Variants in RICTOR observed in about 807,000 individuals in gnomAD.
RICTOR encodes the protein rapamycin-insensitive companion of mTOR.
In RICTOR, 49 loss-of-function variants were observed where a neutral mutation model predicts 214.9. The observed-to-expected ratio is 0.23, with a 90% CI of 0.18 to 0.29. The LOEUF (loss-of-function observed/expected upper bound fraction) is 0.29, where lower values mean the gene tolerates loss of function less well. Ranked by LOEUF, RICTOR falls within the 10% of genes least tolerant of loss-of-function variation. RICTOR has a pLI of 1.00. For missense variants in RICTOR, 1,625 were observed against 2,047.0 expected, an observed-to-expected ratio of 0.79 and a Z score of 3.98; for synonymous variants, 717 against 711.3, an observed-to-expected ratio of 1.01 and a Z score of -0.13.
chr5:38,944,686 T>C, intron 35 of RICTOR, 117 bp from the exon 36 acceptor site: 1 of 984,432 alleles, frequency 1.0e-6, no homozygotes, highest in Non-Finnish European at 1.5e-6. Context: ...ACACATGATC[T>C]ACCAATCATT....
chr5:38,959,145 A>G (rs1579916101), intron 22 of RICTOR, 50 bp downstream of exon 22: 1 of 1,343,296 alleles, frequency 7.4e-7, no homozygotes, highest in East Asian at 2.4e-5. Flanking sequence ...TTCATAAAGT[A>G]GTGAATTAAT....
chr5:38,942,978 T>G lies in RICTOR; in HGVS notation c.4914-7A>C. 1 of 1,590,272 alleles carries G rather than the reference T, an allele frequency of 6.3e-7. No individual in the cohort carries two copies. On this transcript the variant is annotated splice_region_variant and splice_polypyrimidine_tract_variant and intron_variant, in intron 36 of 37. Coordinates refer to ENST00000357387, the MANE Select transcript of RICTOR (RefSeq NM_152756.5). Reference sequence around the variant, plus strand: ...AGGATACTTCTCCTTAATTCTAAAATAAAAGATTATGGTGTGATGAAAACT... The same window carrying G: ...AGGATACTTCTCCTTAATTCTAAAAGAAAAGATTATGGTGTGATGAAAACT...
chr5:38,953,391 T>C (rs963405762), intron 28 of RICTOR, 70 bp downstream of exon 28: 3 of 643,144 alleles, frequency 4.7e-6, no homozygotes, highest in Admixed American at 2.8e-5. Context: ...TTTATCTATT[T>C]AGTATAAATG....
At chr5:38,947,208 C>T in intron 32 of RICTOR, 56 bp downstream of exon 32, 2 of 1,267,668 alleles carry the variant, frequency 1.6e-6, no homozygotes, top group Non-Finnish European at 2.3e-6. Context: ...GCAGTTACAG[C>T]ATATGAAAAA....
intron 2 of RICTOR, among the ~76,000 whole-genome samples, chr5:39,066,896 G>A (rs139226327): frequency 1.1e-3 from 172 of 152,192 alleles, no homozygotes; most frequent in African/African-American, 4.0e-3. Context: ...GGACTTCATT[G>A]TCCGTATCAC....
chr5:38,950,243 C>T lies in RICTOR; in HGVS notation c.3605G>A (p.Arg1202Lys). 1.2e-6 allele frequency: 2 copies of T among 1,613,546 alleles called. No individual in the cohort carries two copies. Among genetic ancestry groups the T allele is most frequent in the Non-Finnish European group, 1.7e-6 (2 of 1,179,666 alleles). ...GCTCGTTGAACTTTCTACTACTAAC[C>T]TCTCTCGGCTTGTATTTTCTCTGTG... ...ENHRENTSRE[R>K]LVVESSTSSH... Residue 1202 changes from arginine to lysine, a missense_variant, in exon 31 of 38, where the codon AGG (arginine) becomes AAG (lysine). This residue lies in a region of RICTOR where 1,214 missense variants were observed against 1,470.5 expected (regional missense o/e 0.83). Coordinates refer to ENST00000357387, the MANE Select transcript of RICTOR (RefSeq NM_152756.5).
At chr5:38,994,509 C>A (rs1753034156) in intron 6 of RICTOR, among the ~76,000 whole-genome samples, 1 of 147,020 alleles carries the variant, frequency 6.8e-6, no homozygotes, top group Admixed American at 6.9e-5. Context: ...CGATAGAGGC[C>A]ACTGTTCGTT....
chr5:38,944,264 T>C (rs1747928849), intron 36 of RICTOR, 182 bp downstream of exon 36: 1 of 675,622 alleles, frequency 1.5e-6, no homozygotes, highest in Admixed American at 2.0e-5. Flanking sequence ...CTACATTCAA[T>C]CTGTTGCCAT....
intron 6 of RICTOR, 34 bp from the exon 7 acceptor site, chr5:38,991,109 T>C (rs1439148911): frequency 2.2e-5 from 34 of 1,513,002 alleles, no homozygotes; most frequent in Non-Finnish European, 3.0e-5. Flanking sequence ...AGAAGTTACT[T>C]TAGTAATACA....
intron 2 of RICTOR, among the ~76,000 whole-genome samples, chr5:39,025,811 G>A (rs1254728286): frequency 4.6e-5 from 7 of 152,070 alleles, no homozygotes; most frequent in South Asian, 2.1e-4. Context: ...ATACCAATAC[G>A]TTACGGGTTA....
intron 2 of RICTOR, among the ~76,000 whole-genome samples, chr5:39,036,971 T>C (rs1174378916): frequency 1.3e-5 from 2 of 152,140 alleles, no homozygotes; most frequent in East Asian, 1.9e-4. Context: ...GCAGTCCTAA[T>C]AGACATCTAC....
Position 38,940,502 on chromosome 5 carries a change from A to G in RICTOR, c.*1802T>C, listed in dbSNP as rs1201835324. On this transcript the variant is annotated 3_prime_UTR_variant, in exon 38 of 38. Transcript: ENST00000357387. ...GACCACGATGACAGGCAACGTTCTT[A>G]GAAGTACTGTTGACATTTAAATAAA... The G allele has an allele frequency of 8.6e-6, 2 of 232,754 alleles. No individual in the cohort carries two copies. Among genetic ancestry groups the G allele is most frequent in the African/African-American group, 4.4e-5 (2 of 45,334 alleles). 14.4% of individuals were successfully genotyped at this position (232,754 alleles called of 1,614,324 possible). A position where few individuals can be genotyped will look rare whatever the true frequency, so the allele number is the denominator to read the frequency against.
intron 11 of RICTOR, among the ~76,000 whole-genome samples, chr5:38,968,906 G>A (rs1750465970): frequency 6.6e-6 from 1 of 151,230 alleles, no homozygotes; most frequent in South Asian, 2.1e-4. Context: ...GGAAGACAGT[G>A]ATACTGATGA....
At chr5:39,005,081 TCTCA>T (rs146598837) in intron 3 of RICTOR, among the ~76,000 whole-genome samples, 7,459 of 152,202 alleles carry the variant, frequency 0.049, 339 homozygotes, top group African/African-American at 0.12. Flanking sequence ...GCGCCCGGCC[TCTCA>T]CTCAGACTCT....
Position 38,938,825 on chromosome 5 carries a change from CA to C in RICTOR, c.*3478del, listed in dbSNP as rs1481413749. 4.3e-6 allele frequency: 1 copy of C among 232,912 alleles called. No homozygotes were observed. The highest frequency in any genetic ancestry group is 8.5e-6 in the Non-Finnish European group (1 of 117,688). The allele number at this position is 232,912 out of a possible 1,614,324, so 14.4% of individuals were successfully genotyped here. On this transcript the variant is annotated 3_prime_UTR_variant, in exon 38 of 38. Coordinates refer to ENST00000357387, the MANE Select transcript of RICTOR (RefSeq NM_152756.5). ...ACAGTGTATTTTGTTAATGCAGAGA[CA>C]ATGGAGACTTCCTAACTTACATTTT...
intron 2 of RICTOR, among the ~76,000 whole-genome samples, chr5:39,045,019 A>G (rs16868013): frequency 0.045 from 6,852 of 152,266 alleles, 288 homozygotes; most frequent in African/African-American, 0.1. Context: ...GAGAAAATGG[A>G]TAAGACCTGC....
At chr5:38,991,160 C>G in intron 6 of RICTOR, 85 bp from the exon 7 acceptor site, 2 of 753,866 alleles carry the variant, frequency 2.7e-6, no homozygotes, top group Non-Finnish European at 4.1e-6. Flanking sequence ...TAGTTAATAA[C>G]AGAATAAGAT....
chr5:38,967,713 GC>G (rs1459817253), intron 12 of RICTOR, among the ~76,000 whole-genome samples: 1 of 151,852 alleles, frequency 6.6e-6, no homozygotes, highest in Non-Finnish European at 1.5e-5. Context: ...TCCTTTTTTG[GC>G]CCATTCCTAT....
rs762282621 is a variant in RICTOR at position 38,996,832 on chromosome 5, C to T, written c.443G>A (p.Arg148Gln). The T allele has an allele frequency of 3.7e-6, 6 of 1,609,090 alleles. No homozygotes were observed. The highest frequency in any genetic ancestry group is 1.7e-5 in the Admixed American group (1 of 59,920). The change falls in exon 6 of 38, where the codon CGA (arginine) becomes CAA (glutamine). Residue 148 changes from arginine (R) to glutamine (Q), a missense_variant. By Grantham distance (43) the Arg-to-Gln change is conservative. Transcript: ENST00000357387. The stretch of plus-strand genomic sequence containing the variant: ...CATAGAGCATACCTTTCTGACTAAT[C>T]GAAGTGCTTGTGTCCTCTCTACCTC... Reference protein sequence around the residue: ...SNEVERTQALRLVRKMITVNA... With the variant: ...SNEVERTQALQLVRKMITVNA...
Sources: gnomAD v4.1 joint callset for allele counts (sites outside exome capture counted in the v4.1 genomes callset) on GRCh38, gnomAD v4.1.1 for gene constraint, gnomAD v4.1.1 regional missense constraint, MANE v1.5 for transcripts, NCBI Gene and HGNC (gene_info 2026-07-23, HGNC 2026-07-21) for gene names.